The following RABGAP1L variants were observed in gnomAD, a reference collection of about 807,000 sequenced individuals.
The protein encoded by RABGAP1L is rab GTPase-activating protein 1-like.
Under a neutral mutation model 137.7 loss-of-function variants are expected in RABGAP1L, and 63 were observed. That is an observed-to-expected ratio of 0.46 (90% CI 0.37 to 0.56). The LOEUF (loss-of-function observed/expected upper bound fraction) is 0.56. Among genes scored for constraint, RABGAP1L ranks in the 20% least tolerant of loss-of-function variants. RABGAP1L has a pLI of 0.00. For missense variants in RABGAP1L, 1,095 were observed against 1,244.0 expected (o/e 0.88, Z 1.80); for synonymous variants, 431 against 433.7 (o/e 0.99, Z 0.08).
chr1:174,976,203 G>GCTTTT (rs1243569819), intron 22 of RABGAP1L, 21 bp downstream of exon 22: 3 of 1,510,104 alleles, frequency 2.0e-6, no homozygotes, highest in Non-Finnish European at 2.7e-6. Context: ...TAATATGTAG[G>GCTTTT]CTTTTCTTTA....
intron 20 of RABGAP1L, among the ~76,000 whole-genome samples, chr1:174,959,383 G>A (rs564912439): frequency 6.6e-6 from 1 of 152,270 alleles, no homozygotes; most frequent in Non-Finnish European, 1.5e-5. Flanking sequence ...TAAAATAAGA[G>A]AGAAATGGAA....
chr1:174,201,136 G>A (rs903268424), intron 1 of RABGAP1L, among the ~76,000 whole-genome samples: 1 of 151,566 alleles, frequency 6.6e-6, no homozygotes, highest in African/African-American at 2.4e-5. Flanking sequence ...TTCTTTTTTT[G>A]CAGAGACAAG....
chr1:174,314,741 A>C (rs1679210364), intron 11 of RABGAP1L, among the ~76,000 whole-genome samples: 1 of 151,946 alleles, frequency 6.6e-6, no homozygotes, highest in Non-Finnish European at 1.5e-5. Flanking sequence ...CAATTTCTTC[A>C]TTGACCCACT....
At chr1:174,362,383 C>A (rs9970174) in intron 11 of RABGAP1L, among the ~76,000 whole-genome samples, 16,456 of 152,224 alleles carry the variant, frequency 0.11, 993 homozygotes, top group East Asian at 0.22. Flanking sequence ...GCAGAACTAA[C>A]TTACACTCCC....
chr1:174,570,777 G>A (rs1228774213), intron 13 of RABGAP1L, among the ~76,000 whole-genome samples: 3 of 152,146 alleles, frequency 2.0e-5, no homozygotes, highest in Non-Finnish European at 4.4e-5. Flanking sequence ...AATACCCAAT[G>A]CTAGCAAGGA....
intron 14 of RABGAP1L, among the ~76,000 whole-genome samples, chr1:174,642,731 C>G (rs1311625933): frequency 7.7e-6 from 1 of 130,182 alleles, no homozygotes; most frequent in Non-Finnish European, 1.7e-5. Context: ...TCTCTCTCCT[C>G]TCCCCCTCTC....
Position 174,811,890 on chromosome 1 carries a change from T to A in RABGAP1L, c.2270T>A (p.Val757Asp). The change falls in exon 19 of 26, where the codon GTT becomes GAT. Residue 757 changes from valine (V) to aspartate (D), a missense_variant. Transcript: ENST00000681986. ...DFEGALKFFR[V>D]QLPKRYRAEE... Reference sequence around the variant, plus strand: ...GAAGGTGCTTTAAAGTTCTTTAGAGTTCAGCTTCCAAAGAGATACAGGGCA... The same window carrying A: ...GAAGGTGCTTTAAAGTTCTTTAGAGATCAGCTTCCAAAGAGATACAGGGCA... 22 of 1,609,696 alleles carry A rather than the reference T, an allele frequency of 1.4e-5. No individual in the cohort carries two copies. Among genetic ancestry groups the A allele is most frequent in the Non-Finnish European group, 1.9e-5 (22 of 1,177,612 alleles).
At chr1:174,635,070 A>C (rs1295061566) in intron 13 of RABGAP1L, among the ~76,000 whole-genome samples, 2 of 151,578 alleles carry the variant, frequency 1.3e-5, no homozygotes, top group Non-Finnish European at 2.9e-5. Context: ...AAAATAAAAA[A>C]AGAAAAAAAA....
intron 13 of RABGAP1L, among the ~76,000 whole-genome samples, chr1:174,524,296 A>T (rs1291326587): frequency 1.3e-5 from 2 of 151,810 alleles, no homozygotes; most frequent in African/African-American, 4.8e-5. Flanking sequence ...CCTTTTCTCC[A>T]GATCTTTGGC....
In RABGAP1L at chr1:174,613,646, T is replaced by G. The variant is rs555442228; in HGVS notation, c.1711-23729T>G. 7.0e-4 allele frequency among the ~76,000 whole-genome samples: 107 copies of G among 152,230 alleles called. No homozygotes were observed. The South Asian group carries it at 0.018, about 26-fold the overall frequency. On this transcript the variant is annotated intron_variant, in intron 13 of 25. Transcript: ENST00000681986. ...TCTGTCTCATTGATCTGTCTAATGT[T>G]GACAGTGGGGTGTTAAAGTCTCCCA...
rs542161715 is a variant in RABGAP1L, at chr1:174,292,739, T to G, written c.1324-12247T>G. ...TGCTCTGCAGTTGTTGAGTGGAGTA[T>G]CCTATAAATGTCCATTATGTCAAGT... On this transcript the variant is annotated intron_variant, in intron 10 of 25. Coordinates refer to ENST00000681986, the MANE Select transcript of RABGAP1L (RefSeq NM_001366446.1). 8.5e-5 allele frequency among the ~76,000 whole-genome samples: 13 copies of G among 152,244 alleles called. No homozygotes were observed. The South Asian group carries it at 2.5e-3, about 29-fold the overall frequency.
intron 13 of RABGAP1L, among the ~76,000 whole-genome samples, chr1:174,480,659 T>A (rs1658988360): frequency 6.6e-6 from 1 of 152,204 alleles, no homozygotes; most frequent in Non-Finnish European, 1.5e-5. Context: ...AGAAATAGAT[T>A]TGAAGATCAT....
intron 13 of RABGAP1L, among the ~76,000 whole-genome samples, chr1:174,615,181 G>T (rs187165532): frequency 6.6e-6 from 1 of 152,176 alleles, no homozygotes; most frequent in African/African-American, 2.4e-5. Context: ...CAGTTTTTCT[G>T]CTCTGTTTTT....
At chr1:174,949,091 T>A (rs1667336731) in intron 19 of RABGAP1L, among the ~76,000 whole-genome samples, 1 of 152,200 alleles carries the variant, frequency 6.6e-6, no homozygotes, top group Non-Finnish European at 1.5e-5. Context: ...TTATGTACTT[T>A]CTGGGATGGA....
At chr1:174,925,922 TG>T (rs1406788357) in intron 19 of RABGAP1L, among the ~76,000 whole-genome samples, 1 of 139,418 alleles carries the variant, frequency 7.2e-6, no homozygotes, top group African/African-American at 2.6e-5. Flanking sequence ...CAGGCTGCAG[TG>T]GTGTGATCTT....
chr1:174,666,803 G>A (rs1173684581), intron 14 of RABGAP1L, among the ~76,000 whole-genome samples: 2 of 152,136 alleles, frequency 1.3e-5, no homozygotes, highest in Admixed American at 6.5e-5. Context: ...TTGGAGAAAA[G>A]AGAATTGTAA....
chr1:174,931,203 T>C (rs186345917), intron 19 of RABGAP1L, among the ~76,000 whole-genome samples: 1 of 152,338 alleles, frequency 6.6e-6, no homozygotes, highest in East Asian at 1.9e-4. Flanking sequence ...TCTTATATGA[T>C]GAATATTTCC....
At chr1:174,834,896 A>G (rs1489742152) in intron 19 of RABGAP1L, among the ~76,000 whole-genome samples, 1 of 152,160 alleles carries the variant, frequency 6.6e-6, no homozygotes, top group Non-Finnish European at 1.5e-5. Context: ...GCCAGGGACC[A>G]GATTCATGCA....
intron 11 of RABGAP1L, among the ~76,000 whole-genome samples, chr1:174,337,235 G>A (rs981068230): frequency 5.9e-5 from 9 of 152,044 alleles, no homozygotes; most frequent in South Asian, 2.1e-4. Context: ...GAGGCTTGGG[G>A]TGCTCTTCAA....
Sources: allele counts gnomAD v4.1 joint callset (sites outside exome capture counted in the v4.1 genomes callset), GRCh38; gene constraint gnomAD v4.1.1; transcripts MANE v1.5; gene names NCBI Gene and HGNC (gene_info 2026-07-23, HGNC 2026-07-21).